The following NLK variants were observed in gnomAD, a reference collection of about 807,000 sequenced individuals.
NLK encodes nemo like kinase.
NLK carries 11 observed loss-of-function variants against 59.0 expected under a neutral mutation model. That is an observed-to-expected ratio of 0.19 (90% confidence interval 0.12 to 0.31). NLK has a LOEUF of 0.31. Ranked by LOEUF, NLK falls within the 10% of genes least tolerant of loss-of-function variation. The pLI is 1.00. For missense variants in NLK, 410 were observed against 661.1 expected (o/e 0.62, Z 4.16); for synonymous variants, 235 against 235.9 (o/e 1.00, Z 0.03).
chr17:28,128,034 A>G (rs974720856), intron 2 of NLK, among the ~76,000 whole-genome samples: 1 of 152,224 alleles, frequency 6.6e-6, no homozygotes, highest in Non-Finnish European at 1.5e-5. Context: ...GACCATTTCA[A>G]TAAACAGTTC....
chr17:28,131,951 T>C (rs763426876), intron 2 of NLK, among the ~76,000 whole-genome samples: 2 of 152,192 alleles, frequency 1.3e-5, no homozygotes, highest in Non-Finnish European at 2.9e-5. Flanking sequence ...ATTTTCTTCC[T>C]ACCCTCTATA....
chr17:28,177,138 A>G (rs1908714008), intron 7 of NLK, among the ~76,000 whole-genome samples: 1 of 152,160 alleles, frequency 6.6e-6, no homozygotes, highest in African/African-American at 2.4e-5. Flanking sequence ...CTGAGGAGGA[A>G]GAGAAAGGAG....
At chr17:28,044,601 G>T (rs1908990190) in intron 1 of NLK, among the ~76,000 whole-genome samples, 1 of 152,168 alleles carries the variant, frequency 6.6e-6, no homozygotes, top group African/African-American at 2.4e-5. Flanking sequence ...GTGGAAAAGA[G>T]TATAGCTGGT....
In NLK at chr17:28,185,139, A is replaced by C. The variant is rs755610876; in HGVS notation, c.1150-40A>C. The C allele has an allele frequency of 7.2e-6, 9 of 1,252,214 alleles. No individual in the cohort carries two copies. The South Asian group carries it at 1.1e-4, about 15-fold the overall frequency. The allele number at this position is 1,252,214 out of a possible 1,614,324, so 77.6% of individuals were successfully genotyped here. ...GCTGTATTCCATAGCTGTTTACACAAAGACTCACTTAAATATTTGAATTTT... is the reference window on the plus strand; with the variant it reads ...GCTGTATTCCATAGCTGTTTACACACAGACTCACTTAAATATTTGAATTTT... On this transcript the variant is annotated intron_variant, in intron 7 of 10. Coordinates refer to ENST00000407008, the MANE Select transcript of NLK (RefSeq NM_016231.5).
intron 8 of NLK, among the ~76,000 whole-genome samples, chr17:28,189,148 C>T (rs187307476): frequency 3.3e-5 from 5 of 152,220 alleles, no homozygotes; most frequent in East Asian, 1.9e-4. Flanking sequence ...AAAAGACCCC[C>T]AGCCTCCTTC....
At chr17:28,150,681 G>GT (rs748479639) in intron 3 of NLK, among the ~76,000 whole-genome samples, 6 of 152,068 alleles carry the variant, frequency 3.9e-5, no homozygotes, top group African/African-American at 4.8e-5. Context: ...CATCATTCAG[G>GT]TTTTTTTGAA....
intron 1 of NLK, among the ~76,000 whole-genome samples, chr17:28,068,945 C>T (rs969289527): frequency 1.3e-5 from 2 of 152,176 alleles, no homozygotes; most frequent in Non-Finnish European, 2.9e-5. Context: ...TCCCAATGTG[C>T]TGGAATTACA....
chr17:28,113,264 G>A (rs1905603191), intron 1 of NLK, among the ~76,000 whole-genome samples: 2 of 152,154 alleles, frequency 1.3e-5, no homozygotes, highest in South Asian at 4.1e-4. Context: ...CCAGTACCCA[G>A]AAGTCCCCTG....
chr17:28,059,639 G>A (rs776535392), intron 1 of NLK, among the ~76,000 whole-genome samples: 3 of 152,144 alleles, frequency 2.0e-5, no homozygotes, highest in Non-Finnish European at 4.4e-5. Context: ...TGAATAAATG[G>A]CAATTTAGTG....
chr17:28,118,102 C>T (rs955066831), intron 1 of NLK, among the ~76,000 whole-genome samples: 2 of 152,022 alleles, frequency 1.3e-5, no homozygotes, highest in African/African-American at 4.8e-5. Flanking sequence ...AAAATTTTGC[C>T]TCAGTTTGCT....
At chr17:28,072,615 T>C (rs536583653) in intron 1 of NLK, among the ~76,000 whole-genome samples, 2 of 152,274 alleles carry the variant, frequency 1.3e-5, no homozygotes, top group South Asian at 2.1e-4. Context: ...ATATTTCTTA[T>C]GTTCTGCTTT....
At chr17:28,089,442 T>C (rs1904402252) in intron 1 of NLK, among the ~76,000 whole-genome samples, 1 of 152,130 alleles carries the variant, frequency 6.6e-6, no homozygotes, top group Admixed American at 6.5e-5. Flanking sequence ...TAATCTATTG[T>C]AGAGATATAC....
At position 28,195,150 on chromosome 17, in the gene NLK, G is replaced by T. The variant is rs1304038688; in HGVS notation, c.*514G>T. The T allele has an allele frequency of 6.6e-6, 1 of 152,342 alleles. No homozygotes were observed. Among genetic ancestry groups the T allele is most frequent in the Non-Finnish European group, 1.5e-5 (1 of 68,068 alleles). 9.4% of individuals were successfully genotyped at this position (152,342 alleles called of 1,614,324 possible). A position where few individuals can be genotyped will look rare whatever the true frequency, so the allele number is the denominator to read the frequency against. Reference sequence around the variant, plus strand: ...GTGAGCTGATCGTGGCTGCACCTGGGGGGAGGGTAGGGAGGAGGGGCATGC... The same window carrying T: ...GTGAGCTGATCGTGGCTGCACCTGGTGGGAGGGTAGGGAGGAGGGGCATGC... On this transcript the variant is annotated 3_prime_UTR_variant, in exon 11 of 11. Transcript: ENST00000407008.
chr17:28,067,587 A>G (rs1909873759), intron 1 of NLK, among the ~76,000 whole-genome samples: 1 of 151,906 alleles, frequency 6.6e-6, no homozygotes, highest in Admixed American at 6.6e-5. Context: ...TTTTTAAAAG[A>G]AAAAACTAAA....
intron 8 of NLK, among the ~76,000 whole-genome samples, chr17:28,187,583 A>G (rs183808345): frequency 2.6e-5 from 4 of 152,222 alleles, no homozygotes; most frequent in African/African-American, 9.6e-5. Context: ...TACAGGCATG[A>G]GCCACCGCAC....
In NLK at chr17:28,195,585, G is replaced by A. The variant is rs1310793374; in HGVS notation, c.*949G>A. On this transcript the variant is annotated 3_prime_UTR_variant, in exon 11 of 11. Coordinates refer to ENST00000407008, the MANE Select transcript of NLK (RefSeq NM_016231.5). ...AAAAAAATTTAAGCCACAAAAAAAG[G>A]CACATAGGGAATTATGTCAAATGTG... 1 of 152,504 alleles carries A rather than the reference G, an allele frequency of 6.6e-6. No individual in the cohort carries two copies. The highest frequency in any genetic ancestry group is 1.5e-5 in the Non-Finnish European group (1 of 68,014). 9.4% of individuals were successfully genotyped at this position (152,504 alleles called of 1,614,324 possible).
At chr17:28,165,596 A>G (rs1908190315) in intron 5 of NLK, among the ~76,000 whole-genome samples, 1 of 152,196 alleles carries the variant, frequency 6.6e-6, no homozygotes, top group African/African-American at 2.4e-5. Flanking sequence ...AAAAATCAGT[A>G]TCCTTCCATA....
intron 8 of NLK, among the ~76,000 whole-genome samples, chr17:28,186,929 A>G (rs968200040): frequency 6.6e-6 from 1 of 152,152 alleles, no homozygotes; most frequent in African/African-American, 2.4e-5. Context: ...ATTAAGGACA[A>G]TTTCAATCAT....
intron 2 of NLK, among the ~76,000 whole-genome samples, chr17:28,125,199 CTAAT>C (rs1453670183): frequency 4.6e-5 from 7 of 152,090 alleles, no homozygotes; most frequent in South Asian, 2.1e-4. Context: ...TTCCTAGTAA[CTAAT>C]TAAGTTACAA....
Sources: gnomAD v4.1 joint callset for allele counts (sites outside exome capture counted in the v4.1 genomes callset) on GRCh38, gnomAD v4.1.1 for gene constraint, MANE v1.5 for transcripts, NCBI Gene and HGNC (gene_info 2026-07-23, HGNC 2026-07-21) for gene names.